The following RFX8 variants were observed in gnomAD, a reference collection of about 807,000 sequenced individuals.
RFX8 encodes the protein regulatory factor X8.
In RFX8, 46 loss-of-function variants were observed where a neutral mutation model predicts 54.6. That is an observed-to-expected ratio of 0.84 (90% CI 0.67 to 1.08). The LOEUF is 1.08. Ranked by LOEUF, RFX8 falls within the 50% of genes least tolerant of loss-of-function variation. RFX8 has a pLI of 0.00. For synonymous variants in RFX8, 192 were observed against 209.5 expected, an observed-to-expected ratio of 0.92 and a Z score of 0.72; for missense variants, 536 against 562.3, an observed-to-expected ratio of 0.95 and a Z score of 0.47.
intron 1 of RFX8, among the ~76,000 whole-genome samples, chr2:101,470,613 A>G (rs568820934): frequency 6.6e-6 from 1 of 151,724 alleles, no homozygotes; most frequent in South Asian, 2.1e-4. Flanking sequence ...GAGACCGTTC[A>G]TGATGTTCTC....
chr2:101,437,713 A>T (rs530027229), intron 2 of RFX8, among the ~76,000 whole-genome samples: 1 of 152,344 alleles, frequency 6.6e-6, no homozygotes, highest in Non-Finnish European at 1.5e-5. Flanking sequence ...TTTTACAAAA[A>T]CTGTGGTATA....
Position 101,418,917 on chromosome 2 carries a change from T to A in RFX8, c.285A>T (p.Thr95=), listed in dbSNP as rs1245050342. Residue 95 remains threonine, a synonymous_variant, in exon 5 of 12, where the codon ACA becomes ACT. Transcript: ENST00000428343. The part of the protein sequence containing the change: ...TSFWKSLQQD[T]VMLMSLPDVC... Reference sequence around the variant, plus strand: ...CGTCAGGCAATGACATCAGCATGACTGTGTCTTGCTGCAGAGACTTCCAGA... The same window carrying A: ...CGTCAGGCAATGACATCAGCATGACAGTGTCTTGCTGCAGAGACTTCCAGA... The A allele has an allele frequency of 1.3e-6, 2 of 1,551,350 alleles. No individual in the cohort carries two copies. Among genetic ancestry groups the A allele is most frequent in the Admixed American group, 2.0e-5 (1 of 51,004 alleles).
chr2:101,438,833 C>T (rs531197182), intron 2 of RFX8, among the ~76,000 whole-genome samples: 3 of 152,138 alleles, frequency 2.0e-5, no homozygotes, highest in East Asian at 3.9e-4. Flanking sequence ...CTTTTTGAGA[C>T]GGAGTTTCGC....
chr2:101,404,982 C>T (rs1469236158), intron 10 of RFX8, among the ~76,000 whole-genome samples: 2 of 152,142 alleles, frequency 1.3e-5, no homozygotes, highest in African/African-American at 4.8e-5. Flanking sequence ...GCAGGGATCA[C>T]TTGCCATAAC....
intron 4 of RFX8, chr2:101,421,130 C>T (rs1474844591): frequency 1.2e-5 from 5 of 429,918 alleles, no homozygotes; most frequent in Non-Finnish European, 6.2e-6. Flanking sequence ...GCTGAATGAG[C>T]GTTATCACCC....
At chr2:101,439,224 T>C (rs1687953788) in intron 2 of RFX8, among the ~76,000 whole-genome samples, 1 of 152,172 alleles carries the variant, frequency 6.6e-6, no homozygotes, top group African/African-American at 2.4e-5. Context: ...CATTTTCTAA[T>C]TGGATTGTTT....
chr2:101,452,302 T>A (rs1688728522), intron 2 of RFX8: 2 of 750,934 alleles, frequency 2.7e-6, no homozygotes, highest in Non-Finnish European at 4.1e-6. Flanking sequence ...GTTTGTTTTG[T>A]TTTGCATTTT....
intron 1 of RFX8, among the ~76,000 whole-genome samples, chr2:101,470,998 C>T (rs953471453): frequency 1.3e-5 from 2 of 148,588 alleles, no homozygotes; most frequent in Non-Finnish European, 3.0e-5. Flanking sequence ...GGATTACAGG[C>T]GTGAGCCACC....
At chr2:101,428,730 G>A (rs968462161) in intron 2 of RFX8, among the ~76,000 whole-genome samples, 1 of 152,192 alleles carries the variant, frequency 6.6e-6, no homozygotes, top group African/African-American at 2.4e-5. Flanking sequence ...GTTAAGCAGG[G>A]AATGTGCAGC....
intron 2 of RFX8, among the ~76,000 whole-genome samples, chr2:101,449,237 G>A (rs757377335): frequency 2.0e-4 from 31 of 152,172 alleles, no homozygotes; most frequent in Non-Finnish European, 3.8e-4. Context: ...ACCAGCCTAG[G>A]GTTGGCCTTT....
intron 2 of RFX8, among the ~76,000 whole-genome samples, chr2:101,440,108 TA>T (rs35325879): frequency 1.3e-5 from 2 of 150,922 alleles, no homozygotes; most frequent in African/African-American, 4.9e-5. Context: ...GCTGAGATTT[TA>T]AAAAAAAACT....
At chr2:101,406,130 A>C (rs1685721032) in intron 9 of RFX8, 73 bp from the exon 10 acceptor site, 2 of 833,456 alleles carry the variant, frequency 2.4e-6, no homozygotes, top group Admixed American at 2.6e-5. Flanking sequence ...TTTCAAATGC[A>C]CACATTTGTC....
chr2:101,436,913 A>T (rs1251772836), intron 2 of RFX8, among the ~76,000 whole-genome samples: 1 of 152,160 alleles, frequency 6.6e-6, no homozygotes, highest in Non-Finnish European at 1.5e-5. Context: ...AAATGCCAGG[A>T]GAGTGCTTTG....
intron 2 of RFX8, among the ~76,000 whole-genome samples, chr2:101,438,659 C>T (rs1301173105): frequency 1.3e-5 from 2 of 152,188 alleles, no homozygotes; most frequent in African/African-American, 2.4e-5. Context: ...AACTGCCAAA[C>T]TGTATTTCAG....
chr2:101,438,415 T>G (rs1473016209), intron 2 of RFX8, among the ~76,000 whole-genome samples: 2 of 152,216 alleles, frequency 1.3e-5, no homozygotes, highest in Admixed American at 1.3e-4. Context: ...AATAATAGTT[T>G]ATACCTCTTT....
rs1347407500 is a variant in RFX8, at chr2:101,407,066, A to G, written c.814-1009T>C. Among the ~76,000 whole-genome samples, 9 of 152,346 alleles carry G rather than the reference A, an allele frequency of 5.9e-5. No individual in the cohort carries two copies. The South Asian group carries it at 1.2e-3, about 21-fold the overall frequency. On this transcript the variant is annotated intron_variant, in intron 9 of 11. Coordinates refer to ENST00000428343, the MANE Select transcript of RFX8 (RefSeq NM_001145664.2). ...GCCATGAGTCATGGATTTCAAATGC[A>G]TCTGTTGATATGCATGCTCCAAGCC...
At chr2:101,436,704 G>T (rs1424840344) in intron 2 of RFX8, among the ~76,000 whole-genome samples, 1 of 152,156 alleles carries the variant, frequency 6.6e-6, no homozygotes, top group Non-Finnish European at 1.5e-5. Context: ...AATAGAGATG[G>T]CATTCGTAAA....
At chr2:101,451,553 G>A (rs1052228410) in intron 2 of RFX8, among the ~76,000 whole-genome samples, 5 of 151,914 alleles carry the variant, frequency 3.3e-5, no homozygotes, top group Admixed American at 6.6e-5. Context: ...GCCGGGCGTG[G>A]TGGCAGGCGC....
intron 5 of RFX8, 102 bp from the exon 6 acceptor site, chr2:101,417,786 A>C: frequency 1.1e-6 from 1 of 929,952 alleles, no homozygotes; most frequent in Non-Finnish European, 1.6e-6. Context: ...GAAGTCTGAG[A>C]GCGGGTCCCC....
Sources: gnomAD v4.1 joint callset for allele counts (sites outside exome capture counted in the v4.1 genomes callset) on GRCh38, gnomAD v4.1.1 for gene constraint, MANE v1.5 for transcripts, NCBI Gene and HGNC (gene_info 2026-07-23, HGNC 2026-07-21) for gene names.